Variants in SHTN1 observed in about 807,000 individuals in gnomAD.
SHTN1 encodes the protein shootin 1.
A neutral mutation model predicts 83.1 loss-of-function variants in SHTN1; 42 were observed. That is an observed-to-expected ratio of 0.51 (90% CI 0.39 to 0.65). SHTN1 has a LOEUF of 0.65. SHTN1 is among the 30% of genes least tolerant of loss of function. SHTN1 has a pLI of 0.00. For missense variants in SHTN1, 622 were observed against 737.8 expected (o/e 0.84, Z 1.82); for synonymous variants, 224 against 247.7 (o/e 0.90, Z 0.90).
intron 16 of SHTN1, chr10:116,901,127 G>A (rs1437327184): frequency 1.0e-6 from 1 of 985,204 alleles, no homozygotes; most frequent in East Asian, 1.1e-4. Flanking sequence ...ATCCTGGCAA[G>A]AGAACTAAAG....
At chr10:117,014,504 C>A (rs1003622350) in intron 2 of SHTN1, among the ~76,000 whole-genome samples, 5 of 150,578 alleles carry the variant, frequency 3.3e-5, no homozygotes, top group Non-Finnish European at 7.4e-5. Flanking sequence ...CAGCACCCTT[C>A]TAGCTGGCAA....
chr10:116,924,746 ATTTTTTTT>A (rs201343735), intron 11 of SHTN1, among the ~76,000 whole-genome samples: 20 of 89,524 alleles, frequency 2.2e-4, no homozygotes, highest in South Asian at 4.3e-4. Context: ...ATTTTCACCT[ATTTTTTTT>A]TTTTTTTTTT....
intron 14 of SHTN1, among the ~76,000 whole-genome samples, chr10:116,910,432 T>C (rs1028205667): frequency 2.0e-5 from 3 of 152,196 alleles, no homozygotes; most frequent in Non-Finnish European, 2.9e-5. Flanking sequence ...ATTTCTCTCC[T>C]TGAAGTGGCA....
intron 12 of SHTN1, among the ~76,000 whole-genome samples, chr10:116,918,603 G>A (rs900124531): frequency 2.0e-5 from 3 of 152,120 alleles, no homozygotes; most frequent in African/African-American, 7.2e-5. Context: ...AGAACCTGTG[G>A]GATGAGGATT....
intron 1 of SHTN1, among the ~76,000 whole-genome samples, chr10:116,983,691 C>G (rs4993925): frequency 0.048 from 649 of 13,474 alleles, 12 homozygotes; most frequent in East Asian, 0.22. Context: ...TAGATAAATA[C>G]ATACATACAT....
intron 11 of SHTN1, among the ~76,000 whole-genome samples, chr10:116,925,315 A>G (rs1330123920): frequency 6.6e-6 from 1 of 152,214 alleles, no homozygotes; most frequent in East Asian, 1.9e-4. Flanking sequence ...CTCAACTAAC[A>G]GGGAATTCCT....
chr10:117,048,033 G>T (rs1589910814), intron 2 of SHTN1, among the ~76,000 whole-genome samples: 3 of 152,216 alleles, frequency 2.0e-5, no homozygotes, highest in East Asian at 3.9e-4. Flanking sequence ...CTGAAGATCA[G>T]TTTTTATAAG....
At chr10:116,956,599 C>T (rs926889876) in intron 4 of SHTN1, among the ~76,000 whole-genome samples, 3 of 152,142 alleles carry the variant, frequency 2.0e-5, no homozygotes, top group African/African-American at 7.2e-5. Context: ...TTCATTTAGG[C>T]ATTTTCTCCT....
At chr10:116,904,128 G>GACTC (rs1271565899) in intron 15 of SHTN1, among the ~76,000 whole-genome samples, 3 of 152,086 alleles carry the variant, frequency 2.0e-5, no homozygotes, top group Admixed American at 6.6e-5. Context: ...CTCTACTTGT[G>GACTC]ACTTCACATT....
chr10:116,938,788 C>T (rs545872624), intron 9 of SHTN1, among the ~76,000 whole-genome samples: 2 of 152,364 alleles, frequency 1.3e-5, no homozygotes, highest in East Asian at 3.9e-4. Flanking sequence ...CCTAGGTTCT[C>T]TGTCCCAGGG....
At chr10:116,888,846 G>A (rs981461219) in intron 16 of SHTN1, among the ~76,000 whole-genome samples, 4 of 152,204 alleles carry the variant, frequency 2.6e-5, no homozygotes, top group Non-Finnish European at 5.9e-5. Context: ...ATCTCATGCA[G>A]ATTTATCTGT....
intron 1 of SHTN1, among the ~76,000 whole-genome samples, chr10:117,073,077 T>C (rs1853107109): frequency 6.6e-6 from 1 of 152,100 alleles, no homozygotes; most frequent in South Asian, 2.1e-4. Flanking sequence ...CTCTGGAAAG[T>C]CTCAGCAATA....
chr10:116,937,000 G>C (rs933586614), intron 9 of SHTN1, among the ~76,000 whole-genome samples: 3 of 149,200 alleles, frequency 2.0e-5, no homozygotes, highest in African/African-American at 7.4e-5. Context: ...CTTTTTTTTT[G>C]CTTTCCAGTT....
chr10:117,053,661 C>T (rs1350837052), intron 1 of SHTN1, among the ~76,000 whole-genome samples: 1 of 152,170 alleles, frequency 6.6e-6, no homozygotes. Flanking sequence ...CTAGTGAGAA[C>T]ATGAAATGGT....
At chr10:117,084,926 G>A (rs576905708) in intron 1 of SHTN1, among the ~76,000 whole-genome samples, 33 of 152,080 alleles carry the variant, frequency 2.2e-4, no homozygotes, top group African/African-American at 6.5e-4. Flanking sequence ...ACTGACCTGC[G>A]CCCACTGTCT....
intron 16 of SHTN1, among the ~76,000 whole-genome samples, chr10:116,896,657 A>C (rs1002985865): frequency 1.3e-5 from 2 of 152,218 alleles, no homozygotes; most frequent in Admixed American, 1.3e-4. Flanking sequence ...TCATCTTTTG[A>C]TCAAAATGAA....
intron 2 of SHTN1, among the ~76,000 whole-genome samples, chr10:117,020,762 T>G (rs549387742): frequency 6.6e-6 from 1 of 152,192 alleles, no homozygotes; most frequent in South Asian, 2.1e-4. Flanking sequence ...AAGCAAAAGT[T>G]TCTTAGACAA....
In SHTN1 at chr10:116,914,198, G is replaced by A. The variant is rs374548409; in HGVS notation, c.1305+1177C>T. On this transcript the variant is annotated intron_variant, in intron 13 of 16. Transcript: ENST00000355371. The stretch of plus-strand genomic sequence containing the variant: ...ACTTAGAAAACCCATCAGAGGCCGG[G>A]CATGGTGGCTCATGCCTGTAATCCC... Among the ~76,000 whole-genome samples the A allele has an allele frequency of 2.0e-5, 3 of 152,196 alleles. No individual in the cohort carries two copies. In the East Asian group the frequency reaches 5.8e-4, roughly 29 times the overall value.
At chr10:116,972,930 T>C (rs1353772599) in intron 2 of SHTN1, among the ~76,000 whole-genome samples, 1 of 152,210 alleles carries the variant, frequency 6.6e-6, no homozygotes, top group Non-Finnish European at 1.5e-5. Context: ...GCCCTGGCTA[T>C]TTTCCATATC....
Sources: gnomAD v4.1 joint callset for allele counts (sites outside exome capture counted in the v4.1 genomes callset) on GRCh38, gnomAD v4.1.1 for gene constraint, MANE v1.5 for transcripts, NCBI Gene and HGNC (gene_info 2026-07-23, HGNC 2026-07-21) for gene names.